Variants in MARK4 observed in about 807,000 individuals in gnomAD.
MARK4 encodes MAP/microtubule affinity-regulating kinase 4.
A neutral mutation model predicts 81.5 loss-of-function variants in MARK4; 19 were observed. The observed-to-expected ratio is 0.23, with a 90% confidence interval of 0.16 to 0.34. MARK4 has a LOEUF of 0.34. Ranked by LOEUF, MARK4 falls within the 10% of genes least tolerant of loss-of-function variation. The pLI, the probability that MARK4 is intolerant of heterozygous loss-of-function variation, is 1.00. For missense variants in MARK4, 772 were observed against 1,058.8 expected (o/e 0.73, Z 3.76); for synonymous variants, 436 against 439.0 (o/e 0.99, Z 0.08).
chr19:45,268,757 C>A (rs773850472), intron 7 of MARK4, among the ~76,000 whole-genome samples: 4 of 151,614 alleles, frequency 2.6e-5, no homozygotes, highest in Non-Finnish European at 5.9e-5. Flanking sequence ...AAAACAACAA[C>A]AAAAAATACA....
In MARK4 at chr19:45,303,820, T is replaced by C. The variant is rs575842839; in HGVS notation, c.*1110T>C. ...AGAGAAAGTGGGCAGGGTGGGGTCA[T>C]TGGGGAAGATGCTCTAGAGGAATTA... On this transcript the variant is annotated 3_prime_UTR_variant, in exon 17 of 17. Coordinates refer to ENST00000262891, the MANE Select transcript of MARK4 (RefSeq NM_001199867.2). The C allele has an allele frequency of 1.3e-5, 2 of 152,142 alleles. No homozygotes were observed. The highest frequency in any genetic ancestry group is 4.8e-5 in the African/African-American group (2 of 41,520). The allele number at this position is 152,142 out of a possible 1,614,324, so 9.4% of individuals were successfully genotyped here.
In MARK4 at chr19:45,280,751, C is replaced by A. The variant is rs770105210; in HGVS notation, c.1276+17C>A. 6.2e-7 allele frequency: 1 copy of A among 1,613,178 alleles called. No homozygotes were observed. Among genetic ancestry groups the A allele is most frequent in the Non-Finnish European group, 8.5e-7 (1 of 1,179,378 alleles). On this transcript the variant is annotated intron_variant, in intron 12 of 16. Coordinates refer to ENST00000262891, the MANE Select transcript of MARK4 (RefSeq NM_001199867.2). ...GCGATTTCTGTGAGTATCAACCCCA[C>A]GCCCTCACGCACCCTCCTTCTCCCC...
At chr19:45,285,133 C>T (rs1162219340) in intron 12 of MARK4, among the ~76,000 whole-genome samples, 2 of 151,724 alleles carry the variant, frequency 1.3e-5, no homozygotes, top group East Asian at 1.9e-4. Context: ...GTGGTGTGCA[C>T]CTGTAATCCC....
In MARK4 at chr19:45,260,646, G is replaced by A. The variant is rs577440151; in HGVS notation, c.252+1457G>A. On this transcript the variant is annotated intron_variant, in intron 2 of 16. Coordinates refer to ENST00000262891, the MANE Select transcript of MARK4 (RefSeq NM_001199867.2). ...CAGGAGGCGAAGGCCGCAGTGAGCC[G>A]AGATTGTGCCACTGCACTCCAGCCT... Among the ~76,000 whole-genome samples the A allele has an allele frequency of 1.1e-4, 17 of 152,190 alleles. 1 individual carries two copies. The East Asian group carries it at 2.9e-3, about 26-fold the overall frequency.
intron 1 of MARK4, 25 bp from the exon 2 acceptor site, chr19:45,258,964 C>T: frequency 1.9e-6 from 3 of 1,608,420 alleles, no homozygotes; most frequent in Non-Finnish European, 2.5e-6. Context: ...GATTGGATAG[C>T]TCATGCTCCA....
intron 15 of MARK4, among the ~76,000 whole-genome samples, chr19:45,298,569 A>G (rs1332338864): frequency 2.0e-5 from 3 of 152,174 alleles, no homozygotes; most frequent in Non-Finnish European, 2.9e-5. Context: ...AGTGCTTTAC[A>G]TGTGTATTAG....
intron 10 of MARK4, among the ~76,000 whole-genome samples, 181 bp downstream of exon 10, chr19:45,278,796 G>A (rs1970635108): frequency 6.6e-6 from 1 of 152,182 alleles, no homozygotes; most frequent in South Asian, 2.1e-4. Flanking sequence ...GTAGAGACAG[G>A]GTTTTGCCAT....
At chr19:45,256,802 C>T (rs959344468) in intron 1 of MARK4, among the ~76,000 whole-genome samples, 7 of 152,312 alleles carry the variant, frequency 4.6e-5, no homozygotes, top group African/African-American at 7.2e-5. Context: ...AGGTTTCTGA[C>T]GACCCTGTGT....
rs1971024924 is a variant in MARK4 at position 45,304,622 on chromosome 19, A to G, written c.*1912A>G. On this transcript the variant is annotated 3_prime_UTR_variant, in exon 17 of 17. Transcript: ENST00000262891. ...AGAGCATCCTCTGTGCTGGGGACAC[A>G]GTGGTAATCAAGACAGCCCCAACAC... 6.6e-6 allele frequency: 1 copy of G among 152,176 alleles called. No homozygotes were observed. 9.4% of individuals were successfully genotyped at this position (152,176 alleles called of 1,614,324 possible). A position where few individuals can be genotyped will look rare whatever the true frequency, so the allele number is the denominator to read the frequency against.
intron 13 of MARK4, among the ~76,000 whole-genome samples, chr19:45,290,414 G>A (rs1449681016): frequency 1.3e-5 from 2 of 152,200 alleles, no homozygotes; most frequent in Non-Finnish European, 2.9e-5. Context: ...TGCCTGACAG[G>A]GCCCCACTGA....
chr19:45,280,241 G>A, intron 10 of MARK4, 133 bp from the exon 11 acceptor site: 1 of 745,496 alleles, frequency 1.3e-6, no homozygotes, highest in Non-Finnish European at 2.3e-6. Context: ...GGCCGAGGCT[G>A]CAGTGAGCTG....
chr19:45,296,229 T>A (rs1294680927), intron 14 of MARK4, among the ~76,000 whole-genome samples: 1 of 151,728 alleles, frequency 6.6e-6, no homozygotes. Context: ...AAATCAAAAA[T>A]TAAAAAAAAA....
chr19:45,270,047 C>T (rs948701038), intron 7 of MARK4, among the ~76,000 whole-genome samples: 6 of 152,080 alleles, frequency 3.9e-5, no homozygotes, highest in Non-Finnish European at 5.9e-5. Flanking sequence ...AAGCTAGTCT[C>T]GAACTCCTGA....
rs964503108 is a variant in MARK4, at chr19:45,266,159, C to T, written c.493-66C>T. 2.6e-6 allele frequency: 4 copies of T among 1,528,496 alleles called. No individual in the cohort carries two copies. In the African/African-American group the frequency reaches 5.5e-5, roughly 21 times the overall value. The allele number at this position is 1,528,496 out of a possible 1,614,324, so 94.7% of individuals were successfully genotyped here. ...TGGGGCCCAGCTGTGAGTGGTTTCA[C>T]AGTCCACTGAGGGAGGCTGAGGGTT... On this transcript the variant is annotated intron_variant, in intron 6 of 16. Transcript: ENST00000262891.
intron 15 of MARK4, among the ~76,000 whole-genome samples, chr19:45,298,692 TCTA>T (rs2123111597): frequency 1.3e-5 from 2 of 152,188 alleles, no homozygotes; most frequent in East Asian, 3.9e-4. Flanking sequence ...GACCCAACAT[TCTA>T]CTAAGGGATC....
At chr19:45,287,409 G>T in intron 12 of MARK4, 38 bp from the exon 13 acceptor site, 1 of 1,347,174 alleles carries the variant, frequency 7.4e-7, no homozygotes, top group Admixed American at 3.1e-5. Flanking sequence ...CTGGGTTTCC[G>T]TGGTGATGCC....
chr19:45,260,360 G>T (rs12981324), intron 2 of MARK4, among the ~76,000 whole-genome samples: 1 of 146,952 alleles, frequency 6.8e-6, no homozygotes, highest in Admixed American at 6.9e-5. Context: ...ACTGTATTCC[G>T]CCTGGGCAAC....
intron 7 of MARK4, among the ~76,000 whole-genome samples, chr19:45,269,586 C>T (rs889156071): frequency 6.6e-6 from 1 of 151,992 alleles, no homozygotes; most frequent in African/African-American, 2.4e-5. Context: ...AGGGAAGGAC[C>T]GCAGTTGGGA....
At chr19:45,298,027 C>T (rs1880372096) in intron 15 of MARK4, 73 bp downstream of exon 15, 6 of 1,548,592 alleles carry the variant, frequency 3.9e-6, no homozygotes, top group Non-Finnish European at 5.3e-6. Context: ...TTCCACTCTG[C>T]TCTGTCTCCT....
Sources: allele counts gnomAD v4.1 joint callset (sites outside exome capture counted in the v4.1 genomes callset), GRCh38; gene constraint gnomAD v4.1.1; transcripts MANE v1.5; gene names NCBI Gene and HGNC (gene_info 2026-07-23, HGNC 2026-07-21).